GALNT17: variants seen among roughly 807,000 people sequenced by gnomAD.
GALNT17 encodes the protein polypeptide N-acetylgalactosaminyltransferase 17, also known as UDP-GalNAc:polypeptide N-acetylgalactosaminyltransferase-like 3.
In GALNT17, 29 loss-of-function variants were observed where a neutral mutation model predicts 63.7. The ratio of observed to expected loss-of-function variants is 0.46; its 90% CI spans 0.34 to 0.62. The LOEUF (loss-of-function observed/expected upper bound fraction) is 0.62. GALNT17 is among the 20% of genes least tolerant of loss of function. The pLI, the probability that GALNT17 is intolerant of heterozygous loss-of-function variation, is 0.01. For missense variants in GALNT17, 603 were observed against 799.6 expected (o/e 0.75, Z 2.97); for synonymous variants, 305 against 318.3 (o/e 0.96, Z 0.45).
chr7:71,548,355 T>C (rs1349624452), intron 5 of GALNT17, among the ~76,000 whole-genome samples: 2 of 152,176 alleles, frequency 1.3e-5, no homozygotes, highest in Non-Finnish European at 2.9e-5. Context: ...AGGACAGCAA[T>C]CTTTTTTTAT....
chr7:71,181,111 C>T (rs748578864), intron 1 of GALNT17, among the ~76,000 whole-genome samples: 10 of 151,790 alleles, frequency 6.6e-5, no homozygotes, highest in Admixed American at 3.9e-4. Context: ...AAAAATTAAC[C>T]GAGTGTGGTG....
At chr7:71,378,828 A>T (rs1323176503) in intron 2 of GALNT17, among the ~76,000 whole-genome samples, 1 of 151,808 alleles carries the variant, frequency 6.6e-6, no homozygotes, top group African/African-American at 2.4e-5. Context: ...TACAAAAAAA[A>T]AATAAATAAA....
intron 6 of GALNT17, among the ~76,000 whole-genome samples, chr7:71,591,807 C>G (rs916488503): frequency 2.6e-5 from 4 of 152,046 alleles, no homozygotes; most frequent in Non-Finnish European, 5.9e-5. Flanking sequence ...GGATTACAGG[C>G]GCATGCCACC....
At chr7:71,342,043 AC>A (rs763233582) in intron 2 of GALNT17, among the ~76,000 whole-genome samples, 35 of 152,012 alleles carry the variant, frequency 2.3e-4, no homozygotes, top group South Asian at 2.1e-3. Flanking sequence ...TTTTTTCTTA[AC>A]TCCTCGTTCA....
chr7:71,233,666 T>TC (rs2116451146), intron 1 of GALNT17, among the ~76,000 whole-genome samples: 1 of 152,204 alleles, frequency 6.6e-6, no homozygotes, highest in African/African-American at 2.4e-5. Flanking sequence ...GGTGGGTGCA[T>TC]CTCTACTGCC....
At chr7:71,700,150 A>G (rs1052882488) in intron 9 of GALNT17, among the ~76,000 whole-genome samples, 1 of 151,298 alleles carries the variant, frequency 6.6e-6, no homozygotes, top group African/African-American at 2.4e-5. Flanking sequence ...CAACAACAAC[A>G]ACAAAAAACT....
intron 1 of GALNT17, among the ~76,000 whole-genome samples, chr7:71,246,349 C>T (rs1790097142): frequency 6.6e-6 from 1 of 151,520 alleles, no homozygotes; most frequent in African/African-American, 2.4e-5. Context: ...TTTCAAACTC[C>T]TGACCTCAAA....
intron 1 of GALNT17, among the ~76,000 whole-genome samples, chr7:71,303,249 G>A (rs1791232699): frequency 6.6e-6 from 1 of 151,948 alleles, no homozygotes; most frequent in Non-Finnish European, 1.5e-5. Flanking sequence ...CTTGACCTGG[G>A]CTCAAGAGAT....
intron 10 of GALNT17, 88 bp from the exon 11 acceptor site, chr7:71,711,930 C>CT: frequency 7.1e-7 from 1 of 1,411,454 alleles, no homozygotes; most frequent in Non-Finnish European, 9.8e-7. Flanking sequence ...TTTCTCTCTC[C>CT]TGTCTCTCTT....
chr7:71,287,573 C>T (rs1028629097), intron 1 of GALNT17, among the ~76,000 whole-genome samples: 3 of 152,140 alleles, frequency 2.0e-5, no homozygotes, highest in African/African-American at 7.2e-5. Context: ...GAGGCACTGA[C>T]CTTATAGTCA....
At chr7:71,287,474 C>T (rs1336266976) in intron 1 of GALNT17, among the ~76,000 whole-genome samples, 1 of 152,036 alleles carries the variant, frequency 6.6e-6, no homozygotes, top group Non-Finnish European at 1.5e-5. Flanking sequence ...GTCTCATAGC[C>T]AAATAGGAGT....
rs1227944122 is a variant in GALNT17 at position 71,522,983 on chromosome 7, A to C, written c.963-48302A>C. ...GATGTCGGGAGGTGGAGACAGGAGG[A>C]TCACTAGAGCCCAGGAGTTCAAGAC... On this transcript the variant is annotated intron_variant, in intron 5 of 10. Transcript: ENST00000333538. 3.9e-5 allele frequency among the ~76,000 whole-genome samples: 6 copies of C among 152,258 alleles called. No individual in the cohort carries two copies. In the East Asian group the frequency reaches 1.2e-3, roughly 29 times the overall value.
In GALNT17 at chr7:71,673,138, G is replaced by C. The variant is rs1392977812; in HGVS notation, c.1404+3029G>C. ...ACAAGCCTTTTAAAAAGCAATTTGA[G>C]CCACATGTATTAAAAAGCTTGATAA... On this transcript the variant is annotated intron_variant, in intron 8 of 10. Transcript: ENST00000333538. Among the ~76,000 whole-genome samples, 4 of 152,108 alleles carry C rather than the reference G, an allele frequency of 2.6e-5. No homozygotes were observed. The East Asian group carries it at 7.7e-4, about 29-fold the overall frequency.
At chr7:71,502,635 C>T (rs1788199447) in intron 5 of GALNT17, among the ~76,000 whole-genome samples, 1 of 152,130 alleles carries the variant, frequency 6.6e-6, no homozygotes, top group South Asian at 2.1e-4. Context: ...GCCCAAGGAG[C>T]TCCTGGTGTT....
intron 1 of GALNT17, among the ~76,000 whole-genome samples, chr7:71,195,729 T>A (rs1241480832): frequency 6.6e-6 from 1 of 152,148 alleles, no homozygotes; most frequent in African/African-American, 2.4e-5. Context: ...TAAATTTTTT[T>A]GTAGAGATAG....
chr7:71,594,240 T>C (rs544824048), intron 6 of GALNT17, among the ~76,000 whole-genome samples: 1 of 152,212 alleles, frequency 6.6e-6, no homozygotes, highest in South Asian at 2.1e-4. Context: ...GTTTGCTCTA[T>C]GTGACTGGAG....
chr7:71,528,012 G>C (rs774737766), intron 5 of GALNT17, among the ~76,000 whole-genome samples: 2 of 152,086 alleles, frequency 1.3e-5, no homozygotes, highest in Non-Finnish European at 2.9e-5. Flanking sequence ...CAACCCAAAG[G>C]GTCTTGGCAA....
chr7:71,702,678 G>A (rs1355294591), intron 9 of GALNT17, among the ~76,000 whole-genome samples: 1 of 152,134 alleles, frequency 6.6e-6, no homozygotes, highest in Non-Finnish European at 1.5e-5. Context: ...GCTGAGGGAG[G>A]CAAGGAGGGG....
chr7:71,159,473 T>C (rs1414426040), intron 1 of GALNT17, among the ~76,000 whole-genome samples: 1 of 151,374 alleles, frequency 6.6e-6, no homozygotes, highest in Non-Finnish European at 1.5e-5. Context: ...ACATTCAACT[T>C]GGTTTTTACT....
Sources: allele counts gnomAD v4.1 joint callset (sites outside exome capture counted in the v4.1 genomes callset), GRCh38; gene constraint gnomAD v4.1.1; transcripts MANE v1.5; gene names NCBI Gene and HGNC (gene_info 2026-07-23, HGNC 2026-07-21).